Variants in PI4K2B observed in about 807,000 individuals in gnomAD.
The protein encoded by PI4K2B is phosphatidylinositol 4-kinase type 2 beta.
A neutral mutation model predicts 56.6 loss-of-function variants in PI4K2B; 46 were observed. The ratio of observed to expected loss-of-function variants is 0.81; its 90% CI spans 0.64 to 1.04. PI4K2B has a LOEUF of 1.04. Ranked by LOEUF, PI4K2B falls within the 50% of genes least tolerant of loss-of-function variation. The pLI, the probability that PI4K2B is intolerant of heterozygous loss-of-function variation, is 0.00. For synonymous variants in PI4K2B, 211 were observed against 223.8 expected, an observed-to-expected ratio of 0.94 and a Z score of 0.51; for missense variants, 556 against 607.7, an observed-to-expected ratio of 0.91 and a Z score of 0.89.
chr4:25,265,501 C>T (rs1287300424), intron 7 of PI4K2B, among the ~76,000 whole-genome samples: 1 of 152,174 alleles, frequency 6.6e-6, no homozygotes, highest in Non-Finnish European at 1.5e-5. Flanking sequence ...AGGCCTCATA[C>T]TTTCCTCTGG....
chr4:25,259,147 A>G lies in PI4K2B; in HGVS notation c.867A>G (p.Gln289=), dbSNP rs371167937. 4.4e-6 allele frequency: 7 copies of G among 1,580,014 alleles called. No homozygotes were observed. Among genetic ancestry groups the G allele is most frequent in the African/African-American group, 1.3e-5 (1 of 74,274 alleles). ...PENIRKQFQS[Q]FERLVILDYI... ...ATATTAGAAAACAATTTCAGTCACA[A>G]TTTGAAAGATTAGTTATTTTGGATT... Residue 289 remains glutamine (Q), a synonymous_variant, in exon 5 of 10, where the codon CAA becomes CAG. Coordinates refer to ENST00000264864, the MANE Select transcript of PI4K2B (RefSeq NM_018323.4).
chr4:25,244,700 G>A (rs1162114664), intron 1 of PI4K2B, among the ~76,000 whole-genome samples: 1 of 152,096 alleles, frequency 6.6e-6, no homozygotes, highest in Non-Finnish European at 1.5e-5. Flanking sequence ...TGCAGTTTTG[G>A]TTTGTTTTGT....
intron 4 of PI4K2B, among the ~76,000 whole-genome samples, chr4:25,257,981 G>A (rs561726747): frequency 1.5e-3 from 221 of 152,214 alleles, no homozygotes; most frequent in African/African-American, 5.1e-3. Flanking sequence ...TATTTTTGAA[G>A]CAAACTAGGG....
intron 1 of PI4K2B, among the ~76,000 whole-genome samples, chr4:25,239,664 C>A (rs890601924): frequency 6.6e-6 from 1 of 152,370 alleles, no homozygotes; most frequent in Non-Finnish European, 1.5e-5. Context: ...CTCAGCTAGT[C>A]CAGAAAGGGG....
At chr4:25,266,285 G>C (rs1168202775) in intron 7 of PI4K2B, among the ~76,000 whole-genome samples, 1 of 152,130 alleles carries the variant, frequency 6.6e-6, no homozygotes, top group Non-Finnish European at 1.5e-5. Context: ...TCCTGCCTCA[G>C]CCTCTCAAGT....
chr4:25,258,977 T>C lies in PI4K2B; in HGVS notation c.757-60T>C, dbSNP rs1462615848. 6 of 847,462 alleles carry C rather than the reference T, an allele frequency of 7.1e-6. No homozygotes were observed. The East Asian group carries it at 7.5e-5, about 11-fold the overall frequency. The allele number at this position is 847,462 out of a possible 1,614,324, so 52.5% of individuals were successfully genotyped here. On this transcript the variant is annotated intron_variant, in intron 4 of 9. Transcript: ENST00000264864. ...TTTTTGACAGTACTGCTGAGAAATATAAATATTAATCCCCTTGTTCTTGTA... is the reference window on the plus strand; with the variant it reads ...TTTTTGACAGTACTGCTGAGAAATACAAATATTAATCCCCTTGTTCTTGTA...
At chr4:25,239,035 A>G (rs931328666) in intron 1 of PI4K2B, among the ~76,000 whole-genome samples, 6 of 152,186 alleles carry the variant, frequency 3.9e-5, no homozygotes, top group African/African-American at 1.4e-4. Context: ...AGTCCCCACT[A>G]GATTAGCTAG....
chr4:25,239,534 C>A (rs1715426074), intron 1 of PI4K2B, among the ~76,000 whole-genome samples: 1 of 60,124 alleles, frequency 1.7e-5, no homozygotes, highest in African/African-American at 3.2e-5. Flanking sequence ...GACTGCGGAA[C>A]CTGCCAAGCC....
intron 1 of PI4K2B, among the ~76,000 whole-genome samples, chr4:25,238,053 T>G (rs2109081839): frequency 6.6e-6 from 1 of 152,338 alleles, no homozygotes; most frequent in East Asian, 1.9e-4. Flanking sequence ...TTGTAAGTCA[T>G]TTAATGATTC....
At chr4:25,253,982 G>A (rs1459635487) in intron 2 of PI4K2B, among the ~76,000 whole-genome samples, 1 of 152,120 alleles carries the variant, frequency 6.6e-6, no homozygotes, top group African/African-American at 2.4e-5. Flanking sequence ...ATGTTGACCA[G>A]GCTGGTCTCC....
intron 1 of PI4K2B, among the ~76,000 whole-genome samples, chr4:25,248,980 T>C (rs1372836134): frequency 2.0e-5 from 3 of 152,168 alleles, no homozygotes; most frequent in Admixed American, 6.5e-5. Context: ...TGTTTGTGTC[T>C]CTGGGTACTT....
At chr4:25,246,121 A>C (rs1715766547) in intron 1 of PI4K2B, among the ~76,000 whole-genome samples, 1 of 152,050 alleles carries the variant, frequency 6.6e-6, no homozygotes, top group South Asian at 2.1e-4. Context: ...GGTGAGTGTT[A>C]CAGCTCAGAA....
intron 1 of PI4K2B, among the ~76,000 whole-genome samples, chr4:25,246,697 G>A (rs548444668): frequency 3.5e-4 from 53 of 152,320 alleles, no homozygotes; most frequent in South Asian, 6.2e-4. Context: ...GGGGAGGCTC[G>A]GGCTGCACAG....
At chr4:25,274,617 C>G (rs922629072) in intron 9 of PI4K2B, among the ~76,000 whole-genome samples, 1 of 151,996 alleles carries the variant, frequency 6.6e-6, no homozygotes, top group Non-Finnish European at 1.5e-5. Context: ...CATTTGGTCC[C>G]CTCTTCTCCC....
chr4:25,244,632 A>G (rs975690764), intron 1 of PI4K2B, among the ~76,000 whole-genome samples: 2 of 152,158 alleles, frequency 1.3e-5, no homozygotes, highest in African/African-American at 4.8e-5. Flanking sequence ...CTTAGGATGC[A>G]TTTCAAGGGT....
At chr4:25,262,031 C>T (rs549555555) in intron 6 of PI4K2B, among the ~76,000 whole-genome samples, 1 of 152,244 alleles carries the variant, frequency 6.6e-6, no homozygotes, top group South Asian at 2.1e-4. Context: ...CACAGTGGCT[C>T]ATGCCTGTAA....
At position 25,277,138 on chromosome 4, in the gene PI4K2B, C is replaced by T. The variant is rs1295571367; in HGVS notation, c.1397C>T (p.Ser466Phe). Residue 466 changes from serine to phenylalanine, a missense_variant, in exon 10 of 10, where the codon TCC (serine) becomes TTC (phenylalanine). Coordinates refer to ENST00000264864, the MANE Select transcript of PI4K2B (RefSeq NM_018323.4). ...SQGRIVHLSN[S>F]FTQTVNCRKP... ...GGTCGGATTGTCCACCTGAGCAATT[C>T]CTTTACCCAGACTGTCAATTGCAGG... 1 of 1,613,692 alleles carries T rather than the reference C, an allele frequency of 6.2e-7. No homozygotes were observed. The highest frequency in any genetic ancestry group is 1.7e-4 in the Middle Eastern group (1 of 6,058).
At chr4:25,259,754 A>G (rs1316890206) in intron 5 of PI4K2B, among the ~76,000 whole-genome samples, 1 of 152,190 alleles carries the variant, frequency 6.6e-6, no homozygotes. Context: ...AAAGTTTACA[A>G]ATTTTTGTTG....
intron 7 of PI4K2B, among the ~76,000 whole-genome samples, 155 bp downstream of exon 7, chr4:25,264,004 C>T (rs1007064821): frequency 6.6e-6 from 1 of 152,140 alleles, no homozygotes; most frequent in African/African-American, 2.4e-5. Flanking sequence ...CAAATGTATA[C>T]TACAGGGTCT....
Sources: allele counts gnomAD v4.1 joint callset (sites outside exome capture counted in the v4.1 genomes callset), GRCh38; gene constraint gnomAD v4.1.1; transcripts MANE v1.5; gene names NCBI Gene and HGNC (gene_info 2026-07-23, HGNC 2026-07-21).